The following VAPB variants were observed in gnomAD, a reference collection of about 807,000 sequenced individuals.
VAPB encodes the protein vesicle-associated membrane protein-associated protein B/C.
In VAPB, 7 loss-of-function variants were observed where a neutral mutation model predicts 25.6. The ratio of observed to expected loss-of-function variants is 0.27; its 90% CI spans 0.16 to 0.51. VAPB has a LOEUF of 0.51. Ranked by LOEUF, VAPB falls within the 20% of genes least tolerant of loss-of-function variation. The probability of loss-of-function intolerance (pLI) is 0.97; values close to 1 mark genes in which losing one functional copy is unlikely to be tolerated. For synonymous variants in VAPB, 112 were observed against 109.2 expected (o/e 1.03, Z -0.16); for missense variants, 266 against 301.3 (o/e 0.88, Z 0.87).
intron 1 of VAPB, among the ~76,000 whole-genome samples, chr20:58,414,209 TGGCC>T (rs1988465247): frequency 2.0e-5 from 2 of 99,628 alleles, no homozygotes; most frequent in South Asian, 3.9e-4. Context: ...ACGGGGCGGC[TGGCC>T]GGGCGGGGGG....
intron 2 of VAPB, among the ~76,000 whole-genome samples, chr20:58,429,220 C>G (rs1988874922): frequency 6.6e-6 from 1 of 151,804 alleles, no homozygotes; most frequent in Admixed American, 6.5e-5. Flanking sequence ...CCCAGAACTT[C>G]CTGAAAGTTG....
rs570684269 is a variant in VAPB, at chr20:58,390,758, G to C, written c.58+1241G>C. On this transcript the variant is annotated intron_variant, in intron 1 of 5. Coordinates refer to ENST00000475243, the MANE Select transcript of VAPB (RefSeq NM_004738.5). The stretch of plus-strand genomic sequence containing the variant: ...TCCAGTTTATATGTCCTATTGGGAA[G>C]TAGTGTAGGGTAACTTACCCAAAGT... Among the ~76,000 whole-genome samples the C allele has an allele frequency of 5.9e-5, 9 of 152,340 alleles. No homozygotes were observed. In the East Asian group the frequency reaches 1.7e-3, roughly 29 times the overall value.
intron 2 of VAPB, among the ~76,000 whole-genome samples, chr20:58,425,608 G>A (rs1298449267): frequency 6.6e-6 from 1 of 152,234 alleles, no homozygotes; most frequent in African/African-American, 2.4e-5. Context: ...GGTGCCCACA[G>A]TAGGAACTGT....
In VAPB at chr20:58,389,310, C is replaced by CCG; in HGVS notation, c.-149_-148insGC. On this transcript the variant is annotated 5_prime_UTR_variant, in exon 1 of 6. Coordinates refer to ENST00000475243, the MANE Select transcript of VAPB (RefSeq NM_004738.5). ...CTGCACCGCGTAGACCGACCCCCCC[C>CCG]CAGCGCGCCCACCCGGTAGAGGACC... is the stretch of plus-strand genomic sequence containing the variant. 1 of 724,414 alleles carries CCG rather than the reference C, an allele frequency of 1.4e-6. No individual in the cohort carries two copies. Among genetic ancestry groups the CCG allele is most frequent in the Non-Finnish European group, 2.3e-6 (1 of 427,588 alleles). 44.9% of individuals were successfully genotyped at this position (724,414 alleles called of 1,614,324 possible).
At chr20:58,406,850 T>C (rs1233332782) in intron 1 of VAPB, among the ~76,000 whole-genome samples, 2 of 152,240 alleles carry the variant, frequency 1.3e-5, no homozygotes, top group Non-Finnish European at 2.9e-5. Flanking sequence ...ATGTGAATCA[T>C]GTTTTGTCAC....
At position 58,440,997 on chromosome 20, in the gene VAPB, G is replaced by A. The variant is rs892724485; in HGVS notation, c.487G>A (p.Asp163Asn). ...TAAGTCTCTGAGTTCTTCTTTGGAT[G>A]ACACCGAAGTTAAGAAGGTTATGGA... ...VSKSLSSSLD[D>N]TEVKKVMEEC... The change falls in exon 5 of 6, where the codon GAC (aspartate) becomes AAC (asparagine). Residue 163 changes from aspartate to asparagine, a missense_variant. Physicochemically the swap from Asp to Asn is conservative, Grantham distance 23 (BLOSUM62 1). This residue lies in a region of VAPB where 136 missense variants were observed against 130.7 expected (regional missense o/e 1.04). Transcript: ENST00000475243. 1 of 1,614,086 alleles carries A rather than the reference G, an allele frequency of 6.2e-7. No individual in the cohort carries two copies. The highest frequency in any genetic ancestry group is 1.1e-5 in the South Asian group (1 of 91,074).
chr20:58,406,906 C>G (rs1988241889), intron 1 of VAPB, among the ~76,000 whole-genome samples: 1 of 151,956 alleles, frequency 6.6e-6, no homozygotes, highest in Non-Finnish European at 1.5e-5. Context: ...TATTGCTTAT[C>G]TTTTTGTTTA....
intron 1 of VAPB, among the ~76,000 whole-genome samples, chr20:58,401,996 T>G (rs918826158): frequency 4.6e-5 from 7 of 152,220 alleles, no homozygotes; most frequent in Admixed American, 4.6e-4. Flanking sequence ...TGTAATAGCC[T>G]CTTAACTGGT....
At chr20:58,419,971 G>C (rs528903393) in intron 2 of VAPB, among the ~76,000 whole-genome samples, 2 of 152,146 alleles carry the variant, frequency 1.3e-5, no homozygotes, top group Admixed American at 1.3e-4. Context: ...ATGGGTGGGT[G>C]TATGTGTATG....
At position 58,446,526 on chromosome 20, in the gene VAPB, A is replaced by G. The variant is rs894577623; in HGVS notation, c.*2291A>G. The G allele has an allele frequency of 6.8e-5, 31 of 454,014 alleles. No individual in the cohort carries two copies. In the East Asian group the frequency reaches 2.1e-3, roughly 31 times the overall value. 28.1% of individuals were successfully genotyped at this position (454,014 alleles called of 1,614,324 possible). A position where few individuals can be genotyped will look rare whatever the true frequency, so the allele number is the denominator to read the frequency against. ...ATGGGATTTGGCTTGTGAGTCTGTA[A>G]CAGTTCTTAAAAAGAATATCTGAGA... is the stretch of plus-strand genomic sequence containing the variant. On this transcript the variant is annotated 3_prime_UTR_variant, in exon 6 of 6. Coordinates refer to ENST00000475243, the MANE Select transcript of VAPB (RefSeq NM_004738.5).
At chr20:58,435,174 CTTAT>C (rs1989014249) in intron 3 of VAPB, among the ~76,000 whole-genome samples, 2 of 151,924 alleles carry the variant, frequency 1.3e-5, no homozygotes, top group South Asian at 4.1e-4. Context: ...AGTAAATATG[CTTAT>C]TTATTTTCCC....
chr20:58,434,246 A>G (rs1394375012), intron 2 of VAPB, among the ~76,000 whole-genome samples: 1 of 152,190 alleles, frequency 6.6e-6, no homozygotes, highest in Non-Finnish European at 1.5e-5. Context: ...TCATTTGGAT[A>G]TGTTTTCTTG....
At chr20:58,398,139 A>G (rs1988008180) in intron 1 of VAPB, among the ~76,000 whole-genome samples, 1 of 152,248 alleles carries the variant, frequency 6.6e-6, no homozygotes, top group East Asian at 1.9e-4. Context: ...CCCTTAAGTT[A>G]GCCTCCAGTT....
At position 58,433,600 on chromosome 20, in the gene VAPB, C is replaced by T. The variant is rs533594835; in HGVS notation, c.212-1002C>T. ...AGTCTGCACTCCACCAAGGTGTAAC[C>T]TTGGGCAAATTCACCTCTCTGTGTT... On this transcript the variant is annotated intron_variant, in intron 2 of 5. Transcript: ENST00000475243. 2.5e-4 allele frequency among the ~76,000 whole-genome samples: 38 copies of T among 152,332 alleles called. No individual in the cohort carries two copies. The South Asian group carries it at 4.3e-3, about 17-fold the overall frequency.
At position 58,389,421 on chromosome 20, in the gene VAPB, A is replaced by AG; in HGVS notation, c.-35dup. ...ACGCTTCCCGCCCCGGTGACCTCTC[A>AG]GGGGTCTCCCCGCCAAAGGTGCTCC... On this transcript the variant is annotated 5_prime_UTR_variant, in exon 1 of 6. Transcript: ENST00000475243. The AG allele has an allele frequency of 1.3e-6, 2 of 1,568,300 alleles. No homozygotes were observed. Among genetic ancestry groups the AG allele is most frequent in the Non-Finnish European group, 1.7e-6 (2 of 1,157,080 alleles).
In VAPB at chr20:58,449,495, G is replaced by T; in HGVS notation, c.*5260G>T. On this transcript the variant is annotated 3_prime_UTR_variant, in exon 6 of 6. Coordinates refer to ENST00000475243, the MANE Select transcript of VAPB (RefSeq NM_004738.5). Reference sequence around the variant, plus strand: ...ATTAGAAAATGTCTGTGTTAAATCCGTAGAAAAGGAAGAAAAGTGTAGCAA... The same window carrying T: ...ATTAGAAAATGTCTGTGTTAAATCCTTAGAAAAGGAAGAAAAGTGTAGCAA... The T allele has an allele frequency of 2.2e-6, 1 of 453,184 alleles. No homozygotes were observed. Among genetic ancestry groups the T allele is most frequent in the Non-Finnish European group, 4.4e-6 (1 of 226,480 alleles). 28.1% of individuals were successfully genotyped at this position (453,184 alleles called of 1,614,324 possible).
chr20:58,444,271 G>A lies in VAPB; in HGVS notation c.*36G>A. On this transcript the variant is annotated 3_prime_UTR_variant, in exon 6 of 6. Transcript: ENST00000475243. ...CACAGGATGGTAAATTGGATTGGTG[G>A]ATCCACCATATCATGGGATTTAAAT... The A allele has an allele frequency of 6.2e-7, 1 of 1,613,374 alleles. No homozygotes were observed. The highest frequency in any genetic ancestry group is 8.5e-7 in the Non-Finnish European group (1 of 1,179,324).
intron 2 of VAPB, among the ~76,000 whole-genome samples, chr20:58,427,882 C>T (rs6026266): frequency 6.8e-4 from 97 of 141,806 alleles, no homozygotes; most frequent in Middle Eastern, 7.8e-3. Flanking sequence ...ATGATGCAGG[C>T]GAAAGTGATC....
At chr20:58,422,906 C>T (rs978900637) in intron 2 of VAPB, among the ~76,000 whole-genome samples, 1 of 152,062 alleles carries the variant, frequency 6.6e-6, no homozygotes, top group Non-Finnish European at 1.5e-5. Context: ...TGGAAAGAGT[C>T]ATTAAAGATA....
Sources: gnomAD v4.1 joint callset for allele counts (sites outside exome capture counted in the v4.1 genomes callset) on GRCh38, gnomAD v4.1.1 for gene constraint, gnomAD v4.1.1 regional missense constraint, MANE v1.5 for transcripts, NCBI Gene and HGNC (gene_info 2026-07-23, HGNC 2026-07-21) for gene names.